Variants in EP400 observed in about 807,000 individuals in gnomAD.
The protein encoded by EP400 is E1A binding protein p400, also known as E1A-binding protein p400.
In EP400, 105 loss-of-function variants were observed where a neutral mutation model predicts 354.1. The observed-to-expected ratio is 0.30, with a 90% CI of 0.25 to 0.35. The LOEUF is 0.35. Among genes scored for constraint, EP400 ranks in the 10% least tolerant of loss-of-function variants. The probability of loss-of-function intolerance (pLI) is 1.00; values close to 1 mark genes in which losing one functional copy is unlikely to be tolerated. For synonymous variants in EP400, 1,646 were observed against 1,716.9 expected, an observed-to-expected ratio of 0.96 and a Z score of 1.02; for missense variants, 3,280 against 4,121.0, an observed-to-expected ratio of 0.80 and a Z score of 5.59.
rs1200508537 is a variant in EP400, at chr12:132,075,235, G to A, written c.9022-1281G>A. On this transcript the variant is annotated intron_variant, in intron 51 of 52. Transcript: ENST00000389561. The surrounding 1 kb of genome is among the most constrained non-coding windows in gnomAD (Gnocchi z 4.5). ...GGGGCTCTTTTGCAAGCTCCCCACC[G>A]AGAACTGGCCTATACCTGGTGTCTG... Among the ~76,000 whole-genome samples, 4 of 152,008 alleles carry A rather than the reference G, an allele frequency of 2.6e-5. No individual in the cohort carries two copies. The highest frequency in any genetic ancestry group is 5.9e-5 in the Non-Finnish European group (4 of 68,004).
intron 2 of EP400, among the ~76,000 whole-genome samples, chr12:131,965,284 G>C (rs1002504644): frequency 1.3e-5 from 2 of 152,028 alleles, no homozygotes; most frequent in Admixed American, 6.6e-5. Context: ...GTAATTTGGG[G>C]GAAGATACTT....
chr12:132,053,127 C>T lies in EP400; in HGVS notation c.7395-19C>T. The T allele has an allele frequency of 1.2e-6, 2 of 1,613,890 alleles. No individual in the cohort carries two copies. Among genetic ancestry groups the T allele is most frequent in the Non-Finnish European group, 1.7e-6 (2 of 1,179,882 alleles). On this transcript the variant is annotated intron_variant, in intron 41 of 52. Coordinates refer to ENST00000389561, the MANE Select transcript of EP400 (RefSeq NM_015409.5). ...TAAAACTTGCCTGTATGTTTTTAAC[C>T]TTTGCGTCTGTCTTTCAGTGGAATC...
chr12:132,060,944 AAAC>A (rs1895674203), intron 45 of EP400, among the ~76,000 whole-genome samples: 1 of 151,882 alleles, frequency 6.6e-6, no homozygotes, highest in Non-Finnish European at 1.5e-5. Context: ...AAACAAAACA[AAAC>A]AAAAAAAAAC....
At chr12:132,053,987 C>T (rs1280224597) in intron 43 of EP400, among the ~76,000 whole-genome samples, 1 of 152,226 alleles carries the variant, frequency 6.6e-6, no homozygotes, top group Non-Finnish European at 1.5e-5. Context: ...TGTCTCAAAG[C>T]ATGCCCATGT....
chr12:131,969,697 G>A (rs1024318653), intron 2 of EP400, among the ~76,000 whole-genome samples: 9 of 152,070 alleles, frequency 5.9e-5, no homozygotes, highest in African/African-American at 2.2e-4. Context: ...CCTTTCGGTG[G>A]GGAATAGTAA....
Position 131,994,913 on chromosome 12 carries a change from C to G in EP400, c.2784C>G (p.Gly928=). ...ETIEEEEANE[G]VVDHQTELSN... is the part of the protein sequence containing the mutation. ...TTGAAGAGGAGGAAGCAAATGAAGG[C>G]GTTGTGGACCACCAAACAGAACTTT... The change falls in exon 12 of 53, where the codon GGC becomes GGG. Residue 928 remains glycine (G), a synonymous_variant. Coordinates refer to ENST00000389561, the MANE Select transcript of EP400 (RefSeq NM_015409.5). The surrounding 1 kb of genome is among the most constrained non-coding windows in gnomAD (Gnocchi z 4.6). The G allele has an allele frequency of 6.2e-7, 1 of 1,614,018 alleles. No individual in the cohort carries two copies. Among genetic ancestry groups the G allele is most frequent in the East Asian group, 2.2e-5 (1 of 44,876 alleles).
intron 9 of EP400, 91 bp from the exon 10 acceptor site, chr12:131,991,316 G>T: frequency 1.6e-6 from 2 of 1,285,860 alleles, no homozygotes; most frequent in South Asian, 1.2e-5. Flanking sequence ...CTGCACGTGG[G>T]TGGAGGCAGC....
intron 51 of EP400, among the ~76,000 whole-genome samples, chr12:132,071,916 G>T (rs943589217): frequency 6.6e-6 from 1 of 152,190 alleles, no homozygotes; most frequent in African/African-American, 2.4e-5. Flanking sequence ...GAGTACAGGT[G>T]TGTCCGAGGG....
In EP400 at chr12:132,077,558, C is replaced by T. The variant is rs1462644905; in HGVS notation, c.9257C>T (p.Ala3086Val). The T allele has an allele frequency of 2.5e-6, 4 of 1,613,774 alleles. No individual in the cohort carries two copies. Among genetic ancestry groups the T allele is most frequent in the Non-Finnish European group, 3.4e-6 (4 of 1,179,990 alleles). Residue 3086 changes from alanine (A) to valine (V), a missense_variant, in exon 53 of 53, where the codon GCT becomes GTT. Ala to Val is a moderately conservative substitution (Grantham distance 64). Transcript: ENST00000389561. Reference sequence around the variant, plus strand: ...TCGGCCCCGCTCCAGACTCCAGGCGCTCCCAACCCAGCCCAGGTGCCCGCC... The same window carrying T: ...TCGGCCCCGCTCCAGACTCCAGGCGTTCCCAACCCAGCCCAGGTGCCCGCC... ...TASAPLQTPG[A>V]PNPAQVPASS...
At chr12:131,962,754 G>GA (rs1181236348) in intron 2 of EP400, among the ~76,000 whole-genome samples, 1 of 152,202 alleles carries the variant, frequency 6.6e-6, no homozygotes, top group African/African-American at 2.4e-5. Context: ...GAGTGAATTG[G>GA]ACTGTGACAC....
chr12:132,043,724 G>C lies in EP400; in HGVS notation c.6446G>C (p.Ser2149Thr). The change falls in exon 34 of 53, where the codon AGT becomes ACT. Residue 2149 changes from serine (S) to threonine (T), a missense_variant. Coordinates refer to ENST00000389561, the MANE Select transcript of EP400 (RefSeq NM_015409.5). ...TSIEQEKERN[S>T]EDAVMTAVRA... Reference sequence around the variant, plus strand: ...ATTGAGCAAGAAAAGGAGAGAAACAGTGAGGTAAGAGAATCAACTTTTGGT... The same window carrying C: ...ATTGAGCAAGAAAAGGAGAGAAACACTGAGGTAAGAGAATCAACTTTTGGT... 1 of 1,604,134 alleles carries C rather than the reference G, an allele frequency of 6.2e-7. No individual in the cohort carries two copies. Among genetic ancestry groups the C allele is most frequent in the Non-Finnish European group, 8.5e-7 (1 of 1,177,418 alleles).
Position 132,062,554 on chromosome 12 carries a change from G to GCAGCAA in EP400, c.8192_8193insACAGCA (p.Gln2747_Gln2748dup). 1 of 1,534,156 alleles carries GCAGCAA rather than the reference G, an allele frequency of 6.5e-7. No individual in the cohort carries two copies. The highest frequency in any genetic ancestry group is 8.9e-7 in the Non-Finnish European group (1 of 1,125,246). ...AGCAGCAGCAGCAGCAACAACAGCA[G>GCAGCAA]CAGCAGCAGCAGCAGCAGCAGCAGC... On this transcript the variant is annotated inframe_insertion, in exon 47 of 53. Transcript: ENST00000389561.
Position 131,961,545 on chromosome 12 carries a change from C to T in EP400, c.926C>T (p.Ala309Val), listed in dbSNP as rs763096919. The stretch of plus-strand genomic sequence containing the variant: ...CTGCTCCCCGGGGCTGGGGGCGCAG[C>T]GGGGTTTGGGATGACGTCCCCACCC... ...GVLLPGAGGAAGFGMTSPPPP... is the reference protein window; with the variant it reads ...GVLLPGAGGAVGFGMTSPPPP... The change falls in exon 2 of 53, where the codon GCG becomes GTG. Residue 309 changes from alanine to valine, a missense_variant. Coordinates refer to ENST00000389561, the MANE Select transcript of EP400 (RefSeq NM_015409.5). 9.0e-6 allele frequency: 14 copies of T among 1,562,880 alleles called. No homozygotes were observed. Among genetic ancestry groups the T allele is most frequent in the South Asian group, 1.2e-5 (1 of 86,560 alleles).
intron 27 of EP400, 23 bp downstream of exon 27, chr12:132,028,311 T>C: frequency 6.2e-7 from 1 of 1,603,956 alleles, no homozygotes; most frequent in Non-Finnish European, 8.5e-7. Context: ...TCGTGACCTT[T>C]TCGGTGCTCT....
intron 1 of EP400, among the ~76,000 whole-genome samples, chr12:131,955,639 C>T (rs1891670892): frequency 6.6e-6 from 1 of 151,012 alleles, no homozygotes; most frequent in Non-Finnish European, 1.5e-5. Context: ...TTAATGTTGC[C>T]ATCTGTGTAC....
intron 3 of EP400, among the ~76,000 whole-genome samples, chr12:131,980,074 A>G (rs1892628363): frequency 6.6e-6 from 1 of 152,216 alleles, no homozygotes; most frequent in Non-Finnish European, 1.5e-5. Context: ...ACACAAAATC[A>G]TCTGCTTTCC....
intron 5 of EP400, among the ~76,000 whole-genome samples, chr12:131,984,205 T>C (rs1892777598): frequency 1.3e-5 from 2 of 152,188 alleles, no homozygotes; most frequent in South Asian, 4.1e-4. Flanking sequence ...GCCTACAGGT[T>C]CTTTATGTTT....
At chr12:132,028,713 C>T (rs1015865029) in intron 27 of EP400, among the ~76,000 whole-genome samples, 8 of 152,280 alleles carry the variant, frequency 5.3e-5, no homozygotes, top group East Asian at 1.9e-4. Context: ...ATCTGAGCAC[C>T]GGTGGGCACG....
intron 2 of EP400, 78 bp from the exon 3 acceptor site, chr12:131,979,616 G>T: frequency 7.6e-7 from 1 of 1,311,406 alleles, no homozygotes; most frequent in South Asian, 1.5e-5. Context: ...CGATGTTTGG[G>T]ATAATTATGA....
Sources: allele counts gnomAD v4.1 joint callset (sites outside exome capture counted in the v4.1 genomes callset), GRCh38; gene constraint gnomAD v4.1.1; non-coding constraint Gnocchi (gnomAD v3.1); transcripts MANE v1.5; gene names NCBI Gene and HGNC (gene_info 2026-07-23, HGNC 2026-07-21).